Variants in RNF43 observed in about 807,000 individuals in gnomAD.
RNF43 encodes E3 ubiquitin-protein ligase RNF43.
A neutral mutation model predicts 78.4 loss-of-function variants in RNF43; 37 were observed. That is an observed-to-expected ratio of 0.47 (90% CI 0.36 to 0.62). The LOEUF is 0.62. RNF43 is among the 20% of genes least tolerant of loss of function. The probability of loss-of-function intolerance (pLI) is 0.00; values close to 1 mark genes in which losing one functional copy is unlikely to be tolerated. For synonymous variants in RNF43, 347 were observed against 395.0 expected (o/e 0.88, Z 1.44); for missense variants, 774 against 1,007.9 (o/e 0.77, Z 3.14).
intron 2 of RNF43, among the ~76,000 whole-genome samples, chr17:58,401,619 A>T (rs908047778): frequency 6.6e-6 from 1 of 152,184 alleles, no homozygotes; most frequent in African/African-American, 2.4e-5. Flanking sequence ...TACCCTGAAG[A>T]TTGACATTGC....
chr17:58,366,148 C>G (rs149332089), intron 3 of RNF43, among the ~76,000 whole-genome samples: 1 of 152,204 alleles, frequency 6.6e-6, no homozygotes, highest in Non-Finnish European at 1.5e-5. Context: ...GAAGCTATAA[C>G]GCTGATAATA....
intron 3 of RNF43, among the ~76,000 whole-genome samples, chr17:58,365,192 T>A (rs1972925206): frequency 1.3e-5 from 2 of 152,124 alleles, no homozygotes; most frequent in African/African-American, 2.4e-5. Flanking sequence ...GTAGAGACTT[T>A]CCAATCTTCA....
rs181112271 is a variant in RNF43, at chr17:58,386,053, C to T, written c.253-15020G>A. Among the ~76,000 whole-genome samples the T allele has an allele frequency of 5.4e-4, 82 of 152,182 alleles. 2 individuals are homozygous for T. In the East Asian group the frequency reaches 0.015, roughly 28 times the overall value. On this transcript the variant is annotated intron_variant, in intron 2 of 9. Transcript: ENST00000407977. ...TGAGCCCAGGAGGTTGAGGCTACAG[C>T]GAGCTATGACTGTGCCACTGCACTC...
At chr17:58,386,473 G>A (rs892768562) in intron 2 of RNF43, among the ~76,000 whole-genome samples, 1 of 152,064 alleles carries the variant, frequency 6.6e-6, no homozygotes, top group African/African-American at 2.4e-5. Flanking sequence ...AGATCATTGC[G>A]GAGATAAAAT....
chr17:58,403,553 C>T lies in RNF43; in HGVS notation c.252+11773G>A, dbSNP rs145867356. On this transcript the variant is annotated intron_variant, in intron 2 of 9. Transcript: ENST00000407977. ...CCTCTGCTGAAGGCCTCTAAGAAGG[C>T]GCTTTTGTGTCTACTGTATGGCCCT... 3.9e-5 allele frequency among the ~76,000 whole-genome samples: 6 copies of T among 152,244 alleles called. No individual in the cohort carries two copies. The East Asian group carries it at 9.7e-4, about 24-fold the overall frequency.
At chr17:58,386,519 C>T (rs1053614861) in intron 2 of RNF43, among the ~76,000 whole-genome samples, 3 of 152,202 alleles carry the variant, frequency 2.0e-5, no homozygotes, top group African/African-American at 7.2e-5. Flanking sequence ...AGTTCCTGCA[C>T]ATAGTAATCA....
At chr17:58,399,510 T>C (rs376341150) in intron 2 of RNF43, among the ~76,000 whole-genome samples, 15 of 152,214 alleles carry the variant, frequency 9.9e-5, no homozygotes, top group African/African-American at 3.4e-4. Flanking sequence ...CAGCACAGTA[T>C]AATGAACTGG....
In RNF43 at chr17:58,354,640, C is replaced by T; in HGVS notation, c.*303G>A. On this transcript the variant is annotated 3_prime_UTR_variant, in exon 10 of 10. Transcript: ENST00000407977. Reference sequence around the variant, plus strand: ...TGGCTACCCATAGCTAGCTTTCTGCCCTCAAAAACTCAGCCTTCAAGGGAT... The same window carrying T: ...TGGCTACCCATAGCTAGCTTTCTGCTCTCAAAAACTCAGCCTTCAAGGGAT... 1 of 461,922 alleles carries T rather than the reference C, an allele frequency of 2.2e-6. No individual in the cohort carries two copies. The highest frequency in any genetic ancestry group is 4.0e-6 in the Non-Finnish European group (1 of 249,086). The allele number at this position is 461,922 out of a possible 1,614,324, so 28.6% of individuals were successfully genotyped here. A position where few individuals can be genotyped will look rare whatever the true frequency, so the allele number is the denominator to read the frequency against.
rs377300761 is a variant in RNF43 at position 58,362,616 on chromosome 17, C to T, written c.615G>A (p.Val205=). 67 of 1,611,602 alleles carry T rather than the reference C, an allele frequency of 4.2e-5. 1 individual carries two copies. Among genetic ancestry groups the T allele is most frequent in the Non-Finnish European group, 5.4e-5 (64 of 1,178,908 alleles). ...GGATGATCACAAAGATGGTGCCCAC[C>T]ACTGTCATTAGGATCCACACATCAT... ...PDYDVWILMT[V]VGTIFVIILA... is the part of the protein sequence containing the mutation. Residue 205 remains valine (V), a synonymous_variant, in exon 6 of 10, where the codon GTG becomes GTA. Transcript: ENST00000407977.
chr17:58,410,085 A>G (rs115290151), intron 2 of RNF43, among the ~76,000 whole-genome samples: 1 of 151,456 alleles, frequency 6.6e-6, no homozygotes, highest in Non-Finnish European at 1.5e-5. Context: ...CCAGGGACAT[A>G]TTTCATTCAT....
chr17:58,358,559 G>C lies in RNF43; in HGVS notation c.1217C>G (p.Ala406Gly), dbSNP rs564401086. Residue 406 changes from alanine to glycine, a missense_variant, in exon 9 of 10, where the codon GCA becomes GGA. Transcript: ENST00000407977. This position sits in a 1 kb window ranked among gnomAD's most constrained non-coding sequence, Gnocchi z 6.2. ...TTGTGCATAGGGGTGCTGGGCTCCT[G>C]CCAGGCGCTGCTGCTCTCCTGGAGC... is the stretch of plus-strand genomic sequence containing the variant. Reference protein sequence around the residue: ...PRAPGEQQRLAGAQHPYAQGW... With the variant: ...PRAPGEQQRLGGAQHPYAQGW... 1 of 1,607,714 alleles carries C rather than the reference G, an allele frequency of 6.2e-7. No individual in the cohort carries two copies. Among genetic ancestry groups the C allele is most frequent in the Admixed American group, 1.7e-5 (1 of 59,412 alleles).
At chr17:58,361,299 T>C (rs1015119587) in intron 6 of RNF43, among the ~76,000 whole-genome samples, 8 of 152,244 alleles carry the variant, frequency 5.3e-5, no homozygotes, top group Non-Finnish European at 8.8e-5. Flanking sequence ...CTTCCCCGTC[T>C]TCCCCATTAT....
At position 58,360,263 on chromosome 17, in the gene RNF43, G is replaced by A. The variant is rs1210269700; in HGVS notation, c.850-12C>T. On this transcript the variant is annotated splice_polypyrimidine_tract_variant and intron_variant, in intron 7 of 9. Transcript: ENST00000407977. The surrounding 1 kb of genome is among the most constrained non-coding windows in gnomAD (Gnocchi z 4.3). ...ATGACCCGTAGCTCCTGGAGAAAAA[G>A]AGGGGGTCCAAACCAAAGGCTTCTG... 1 of 1,607,852 alleles carries A rather than the reference G, an allele frequency of 6.2e-7. No homozygotes were observed. The highest frequency in any genetic ancestry group is 8.5e-7 in the Non-Finnish European group (1 of 1,174,234).
intron 3 of RNF43, 65 bp downstream of exon 3, chr17:58,370,845 AG>A: frequency 1.4e-6 from 2 of 1,444,516 alleles, no homozygotes; most frequent in Non-Finnish European, 1.8e-6. Context: ...AAGAGAGCAC[AG>A]GGTCTTCTCA....
chr17:58,412,958 T>C (rs901762636), intron 2 of RNF43, among the ~76,000 whole-genome samples: 2 of 152,050 alleles, frequency 1.3e-5, no homozygotes, highest in African/African-American at 4.8e-5. Flanking sequence ...AATTCATAGG[T>C]AGAAGGATTC....
At chr17:58,362,849 G>A (rs1270510103) in intron 5 of RNF43, among the ~76,000 whole-genome samples, 1 of 152,196 alleles carries the variant, frequency 6.6e-6, no homozygotes, top group Non-Finnish European at 1.5e-5. Flanking sequence ...TCTTCCAGAT[G>A]TCACTGGGAG....
At chr17:58,416,797 ACAGAAT>A (rs1407740815) in intron 1 of RNF43, 2 of 152,198 alleles carry the variant, frequency 1.3e-5, no homozygotes, top group African/African-American at 2.4e-5. Context: ...TTGTACAAAC[ACAGAAT>A]AAGATTTTTA....
At chr17:58,366,664 A>G (rs938913264) in intron 3 of RNF43, among the ~76,000 whole-genome samples, 1 of 151,872 alleles carries the variant, frequency 6.6e-6, no homozygotes, top group Non-Finnish European at 1.5e-5. Flanking sequence ...TCACTTCACT[A>G]CTCTGTGTCT....
chr17:58,400,479 T>C (rs2143640386), intron 2 of RNF43, among the ~76,000 whole-genome samples: 1 of 152,348 alleles, frequency 6.6e-6, no homozygotes, highest in Admixed American at 6.5e-5. Flanking sequence ...CTATTAATAA[T>C]AATACCTAAC....
Sources: gnomAD v4.1 joint callset for allele counts (sites outside exome capture counted in the v4.1 genomes callset) on GRCh38, gnomAD v4.1.1 for gene constraint, Gnocchi (gnomAD v3.1) non-coding constraint, MANE v1.5 for transcripts, NCBI Gene and HGNC (gene_info 2026-07-23, HGNC 2026-07-21) for gene names.